RGS5: variants seen among roughly 807,000 people sequenced by gnomAD.
RGS5 encodes the protein regulator of G-protein signalling 5.
A neutral mutation model predicts 18.9 loss-of-function variants in RGS5; 20 were observed. The ratio of observed to expected loss-of-function variants is 1.06; its 90% CI spans 0.74 to 1.54. The LOEUF (loss-of-function observed/expected upper bound fraction) is 1.54. RGS5 is among the 40% of genes most tolerant of loss of function. RGS5 has a pLI of 0.00. For missense variants in RGS5, 201 were observed against 211.8 expected, an observed-to-expected ratio of 0.95 and a Z score of 0.32; for synonymous variants, 57 against 76.2, an observed-to-expected ratio of 0.75 and a Z score of 1.31.
chr1:163,264,332 T>C (rs1290612325), intron 2 of RGS5, among the ~76,000 whole-genome samples: 1 of 152,148 alleles, frequency 6.6e-6, no homozygotes, highest in Non-Finnish European at 1.5e-5. Context: ...AGTCCCAAAT[T>C]CTATCTCAGT....
At chr1:163,275,903 G>A (rs1240001970) in intron 2 of RGS5, among the ~76,000 whole-genome samples, 1 of 152,094 alleles carries the variant, frequency 6.6e-6, no homozygotes, top group Non-Finnish European at 1.5e-5. Context: ...ATTAGATCAG[G>A]CCCTCAGAGC....
At chr1:163,286,571 T>C (rs1421684689) in intron 2 of RGS5, among the ~76,000 whole-genome samples, 2 of 152,136 alleles carry the variant, frequency 1.3e-5, no homozygotes, top group African/African-American at 4.8e-5. Context: ...TTTCCTTTTA[T>C]TGTTTCTTGT....
At chr1:163,313,629 T>C (rs1019496185) in intron 1 of RGS5, among the ~76,000 whole-genome samples, 2 of 152,082 alleles carry the variant, frequency 1.3e-5, no homozygotes, top group African/African-American at 4.8e-5. Context: ...CAACAAAGCA[T>C]AGCAAAGAAA....
rs533826395 is a variant in RGS5, at chr1:163,231,340, A to G, written c.-280-62972T>C. On this transcript the variant is annotated intron_variant, in intron 2 of 5. Coordinates refer to the RGS5 transcript ENST00000618415. Reference sequence around the variant, plus strand: ...TATTATTCCCATTTTACAGGCAAGAAAACAGAGGCATGGAAATGACAGCTG... The same window carrying G: ...TATTATTCCCATTTTACAGGCAAGAGAACAGAGGCATGGAAATGACAGCTG... Among the ~76,000 whole-genome samples the G allele has an allele frequency of 3.3e-5, 5 of 152,322 alleles. No individual in the cohort carries two copies. In the South Asian group the frequency reaches 1.0e-3, roughly 32 times the overall value.
At chr1:163,268,374 A>T (rs1375917598) in intron 2 of RGS5, among the ~76,000 whole-genome samples, 1 of 152,088 alleles carries the variant, frequency 6.6e-6, no homozygotes. Flanking sequence ...AGACTAGAAA[A>T]CAGGTGTGAG....
At chr1:163,161,757 TA>T in intron 3 of RGS5, 157 bp downstream of exon 3, 1 of 568,400 alleles carries the variant, frequency 1.8e-6, no homozygotes, top group South Asian at 1.9e-5. Flanking sequence ...GTGAACTGGA[TA>T]ATCACATACC....
chr1:163,320,181 T>G (rs1386291564), intron 1 of RGS5, among the ~76,000 whole-genome samples: 1 of 152,194 alleles, frequency 6.6e-6, no homozygotes, highest in Non-Finnish European at 1.5e-5. Flanking sequence ...GCTTGGTTTT[T>G]TTTCTAGATT....
intron 1 of RGS5, among the ~76,000 whole-genome samples, chr1:163,313,528 G>A (rs1029059943): frequency 2.0e-5 from 3 of 152,180 alleles, no homozygotes; most frequent in Non-Finnish European, 4.4e-5. Context: ...CAATACATAT[G>A]TAGGGCATCT....
chr1:163,236,680 T>C (rs1316772668), intron 2 of RGS5, among the ~76,000 whole-genome samples: 1 of 152,018 alleles, frequency 6.6e-6, no homozygotes, highest in African/African-American at 2.4e-5. Context: ...AAATGGCCAA[T>C]GGGCCAGGCG....
intron 2 of RGS5, among the ~76,000 whole-genome samples, chr1:163,270,134 T>C (rs1648679040): frequency 6.6e-6 from 1 of 151,746 alleles, no homozygotes; most frequent in Non-Finnish European, 1.5e-5. Context: ...GAATATAGAG[T>C]CGGCATATAT....
upstream of RGS5, among the ~76,000 whole-genome samples, chr1:163,207,372 T>A (rs1380443122): frequency 6.6e-6 from 1 of 152,248 alleles, no homozygotes; most frequent in Non-Finnish European, 1.5e-5. Context: ...TTATCTATAA[T>A]GTAGTTCATA....
chr1:163,223,137 G>A (rs554652555), intron 2 of RGS5, among the ~76,000 whole-genome samples: 22 of 152,066 alleles, frequency 1.4e-4, no homozygotes, highest in African/African-American at 4.8e-5. Flanking sequence ...GAGCCACTGC[G>A]CCCAGCCTCT....
At chr1:163,316,046 C>T (rs1433806374) in intron 1 of RGS5, among the ~76,000 whole-genome samples, 1 of 152,166 alleles carries the variant, frequency 6.6e-6, no homozygotes, top group Non-Finnish European at 1.5e-5. Flanking sequence ...TACTAGCGTA[C>T]TTTCAAAATA....
intron 4 of RGS5, among the ~76,000 whole-genome samples, chr1:163,147,918 C>CTTTTTTTTTTTTTTT (rs534448527): frequency 2.8e-4 from 22 of 78,078 alleles, no homozygotes; most frequent in Non-Finnish European, 3.8e-4. Flanking sequence ...TTTTCTTTTT[C>CTTTTTTTTTTTTTTT]TTTTTTTTTT....
At chr1:163,180,896 G>C (rs1485868242) in intron 1 of RGS5, among the ~76,000 whole-genome samples, 1 of 151,742 alleles carries the variant, frequency 6.6e-6, no homozygotes, top group South Asian at 2.1e-4. Flanking sequence ...GGGTTACACC[G>C]CGTTAGCGAG....
At chr1:163,177,702 C>T (rs556082839) in intron 1 of RGS5, among the ~76,000 whole-genome samples, 15 of 152,212 alleles carry the variant, frequency 9.9e-5, no homozygotes, top group South Asian at 2.1e-4. Flanking sequence ...ACGGCAAACA[C>T]GCAGAAAACA....
At chr1:163,210,111 T>G (rs1660068051) in intron 1 of RGS5, among the ~76,000 whole-genome samples, 2 of 152,020 alleles carry the variant, frequency 1.3e-5, no homozygotes, top group East Asian at 3.9e-4. Context: ...CACCTCAACT[T>G]CCCAAGTTCC....
chr1:163,297,778 T>C (rs1649457470), intron 2 of RGS5, among the ~76,000 whole-genome samples: 1 of 152,152 alleles, frequency 6.6e-6, no homozygotes, highest in African/African-American at 2.4e-5. Flanking sequence ...GTTTTTCTTC[T>C]CTACAAGAAC....
intron 2 of RGS5, among the ~76,000 whole-genome samples, chr1:163,272,974 C>A (rs1203755053): frequency 6.6e-6 from 1 of 151,830 alleles, no homozygotes; most frequent in African/African-American, 2.4e-5. Context: ...ATTGTGATTT[C>A]TTTTTTGAAT....
Sources: gnomAD v4.1 joint callset for allele counts (sites outside exome capture counted in the v4.1 genomes callset) on GRCh38, gnomAD v4.1.1 for gene constraint, MANE v1.5 for transcripts, NCBI Gene and HGNC (gene_info 2026-07-23, HGNC 2026-07-21) for gene names.